TENM2: variants seen among roughly 807,000 people sequenced by gnomAD.
TENM2 encodes teneurin transmembrane protein 2, also known as teneurin-2.
TENM2 carries 52 observed loss-of-function variants against 245.2 expected under a neutral mutation model. The observed-to-expected ratio is 0.21, with a 90% CI of 0.17 to 0.27. TENM2 has a LOEUF of 0.27. Among genes scored for constraint, TENM2 ranks in the 10% least tolerant of loss-of-function variants. The pLI, the probability that TENM2 is intolerant of heterozygous loss-of-function variation, is 1.00. For missense variants in TENM2, 3,046 were observed against 3,666.8 expected, an observed-to-expected ratio of 0.83 and a Z score of 4.37; for synonymous variants, 1,363 against 1,438.9, an observed-to-expected ratio of 0.95 and a Z score of 1.19.
chr5:167,476,394 T>A (rs1399229345), intron 2 of TENM2, among the ~76,000 whole-genome samples: 1 of 152,176 alleles, frequency 6.6e-6, no homozygotes, highest in Non-Finnish European at 1.5e-5. Flanking sequence ...GGTATGCAGA[T>A]CTTCCACATG....
At chr5:168,025,937 C>T (rs560743379) in intron 5 of TENM2, among the ~76,000 whole-genome samples, 2 of 152,204 alleles carry the variant, frequency 1.3e-5, no homozygotes, top group East Asian at 1.9e-4. Flanking sequence ...GCTCCAAAGG[C>T]GGAACTCCTA....
At position 167,736,781 on chromosome 5, in the gene TENM2, G is replaced by A. The variant is rs551772207; in HGVS notation, c.503-139205G>A. Among the ~76,000 whole-genome samples the A allele has an allele frequency of 9.9e-5, 15 of 151,926 alleles. No homozygotes were observed. The East Asian group carries it at 2.1e-3, about 22-fold the overall frequency. ...GCATACTTCCAGGTGAGGGAGCCCC[G>A]GTGGGAACTTGAGAAGTCTTGTTCC... On this transcript the variant is annotated intron_variant, in intron 2 of 28. Transcript: ENST00000518659.
chr5:168,264,006 CT>C (rs1169422840), downstream of TENM2: 1 of 152,312 alleles, frequency 6.6e-6, no homozygotes, highest in African/African-American at 2.4e-5. Context: ...GGTACAGGAA[CT>C]TTTTTGTAAT....
chr5:167,540,985 G>A (rs1359601747), intron 2 of TENM2, among the ~76,000 whole-genome samples: 1 of 152,108 alleles, frequency 6.6e-6, no homozygotes, highest in Non-Finnish European at 1.5e-5. Context: ...CCTTAGAAAG[G>A]TTCCTAAATG....
chr5:167,227,648 T>C, the TENM2 span, among the ~76,000 whole-genome samples: 1 of 152,326 alleles, frequency 6.6e-6, no homozygotes, highest in Non-Finnish European at 1.5e-5. Flanking sequence ...GGCGTTTCTT[T>C]ATAGGTGAAG....
intron 2 of TENM2, among the ~76,000 whole-genome samples, chr5:167,502,655 G>T (rs551332460): frequency 2.0e-5 from 3 of 152,162 alleles, no homozygotes; most frequent in South Asian, 2.1e-4. Context: ...TCTTTCTAAG[G>T]TGTCTAAGAA....
intron 8 of TENM2, 136 bp downstream of exon 10, chr5:168,090,905 A>C: frequency 1.4e-6 from 1 of 719,972 alleles, no homozygotes; most frequent in Non-Finnish European, 2.3e-6. Flanking sequence ...TTTAGGCCTT[A>C]TAGTGTCACC....
At chr5:167,478,990 A>ATATATGTG (rs1554163338) in intron 2 of TENM2, among the ~76,000 whole-genome samples, 3 of 151,252 alleles carry the variant, frequency 2.0e-5, no homozygotes, top group Admixed American at 6.6e-5. Context: ...CTTTATATAT[A>ATATATGTG]TGTGTGTGTG....
intron 2 of TENM2, among the ~76,000 whole-genome samples, chr5:167,639,409 T>G (rs1480905601): frequency 6.6e-6 from 1 of 152,214 alleles, no homozygotes; most frequent in Non-Finnish European, 1.5e-5. Context: ...TGTCATTCCC[T>G]GCTTAAAGAA....
chr5:167,455,119 C>G (rs1765834277), intron 2 of TENM2, among the ~76,000 whole-genome samples: 1 of 152,186 alleles, frequency 6.6e-6, no homozygotes, highest in Admixed American at 6.5e-5. Flanking sequence ...TCTGTTCTTC[C>G]TGTCTTCATG....
intron 2 of TENM2, among the ~76,000 whole-genome samples, chr5:167,598,568 G>A (rs559798770): frequency 5.3e-5 from 8 of 152,300 alleles, no homozygotes; most frequent in East Asian, 1.9e-4. Context: ...GCTTTATTAC[G>A]TGGGTGACCC....
chr5:167,888,778 T>C (rs1774501771), intron 3 of TENM2, among the ~76,000 whole-genome samples: 1 of 152,234 alleles, frequency 6.6e-6, no homozygotes, highest in Non-Finnish European at 1.5e-5. Flanking sequence ...TCAGATCTTT[T>C]GTTTTACGAT....
At chr5:167,807,960 T>C (rs1402522436) in intron 2 of TENM2, among the ~76,000 whole-genome samples, 4 of 152,162 alleles carry the variant, frequency 2.6e-5, no homozygotes, top group Non-Finnish European at 5.9e-5. Flanking sequence ...CTGTAGTAGA[T>C]ACTGAAACAA....
chr5:167,318,275 T>C (rs1347240834), intron 1 of TENM2, among the ~76,000 whole-genome samples: 1 of 152,090 alleles, frequency 6.6e-6, no homozygotes, highest in Non-Finnish European at 1.5e-5. Flanking sequence ...CTTGAGAAAA[T>C]TTGAAATTAA....
chr5:168,104,003 GGTTTGTTT>G (rs61381928), intron 9 of TENM2, among the ~76,000 whole-genome samples: 2,241 of 149,984 alleles, frequency 0.015, 36 homozygotes, highest in African/African-American at 0.044. Context: ...TTTCTTTTCT[GGTTTGTTT>G]GTTTGTTTGT....
At chr5:167,040,492 C>T in the TENM2 span, among the ~76,000 whole-genome samples, 40 of 151,868 alleles carry the variant, frequency 2.6e-4, no homozygotes, top group African/African-American at 8.9e-4. Flanking sequence ...AAAGACTTAG[C>T]AGAAAAGAGG....
At chr5:167,965,666 T>A (rs980652073) in intron 4 of TENM2, 1 of 152,236 alleles carries the variant, frequency 6.6e-6, no homozygotes, top group Non-Finnish European at 1.5e-5. Context: ...TAACTTTTCT[T>A]TGTCAAATAC....
At chr5:167,839,421 A>G (rs116787116) in intron 2 of TENM2, among the ~76,000 whole-genome samples, 1 of 152,224 alleles carries the variant, frequency 6.6e-6, no homozygotes, top group Non-Finnish European at 1.5e-5. Context: ...AACCTGTCAT[A>G]TGACATTTGT....
At chr5:167,051,479 A>T in the TENM2 span, among the ~76,000 whole-genome samples, 2 of 151,902 alleles carry the variant, frequency 1.3e-5, no homozygotes, top group African/African-American at 4.8e-5. Flanking sequence ...AAGACATCAG[A>T]TTGAATCATG....
Sources: gnomAD v4.1 joint callset for allele counts (sites outside exome capture counted in the v4.1 genomes callset) on GRCh38, gnomAD v4.1.1 for gene constraint, MANE v1.5 for transcripts, NCBI Gene and HGNC (gene_info 2026-07-23, HGNC 2026-07-21) for gene names.